Variants in E2F4 observed in about 807,000 individuals in gnomAD.
E2F4 encodes the protein E2F transcription factor 4.
In E2F4, 16 loss-of-function variants were observed where a neutral mutation model predicts 44.5. The ratio of observed to expected loss-of-function variants is 0.36; its 90% CI spans 0.24 to 0.55. E2F4 has a LOEUF of 0.55. Ranked by LOEUF, E2F4 falls within the 20% of genes least tolerant of loss-of-function variation. The pLI is 0.87. For missense variants in E2F4, 473 were observed against 522.1 expected, an observed-to-expected ratio of 0.91 and a Z score of 0.92; for synonymous variants, 242 against 207.2, an observed-to-expected ratio of 1.17 and a Z score of -1.44.
At position 67,194,746 on chromosome 16, in the gene E2F4, G is replaced by A. The variant is rs760472888; in HGVS notation, c.574G>A (p.Val192Ile). The change falls in exon 6 of 10, where the codon GTT (valine) becomes ATT (isoleucine). Residue 192 changes from valine to isoleucine, a missense_variant. Transcript: ENST00000379378. ...GAAGAGTGTGAGTGGTCCCATTGAG[G>A]TTCTGCTGGTGAACAAGGAGGCATG... ...HLKSVSGPIE[V>I]LLVNKEAWSS... 2 of 1,614,176 alleles carry A rather than the reference G, an allele frequency of 1.2e-6. No homozygotes were observed. Among genetic ancestry groups the A allele is most frequent in the Admixed American group, 3.3e-5 (2 of 60,026 alleles).
In E2F4 at chr16:67,195,888, GGACAGCAGCAGCAGCAGCAGCAGC is replaced by G. The variant is rs1567688524; in HGVS notation, c.916_939del (p.Asp306_Ser313del). ...GGCCACTGCAGTCTTCTGCCCTGCT[GGACAGCAGCAGCAGCAGCAGCAGC>G]AGCAGCAGCAGCAGCAGCAACAGTA... On this transcript the variant is annotated inframe_deletion, in exon 7 of 10. Transcript: ENST00000379378. 1 of 1,598,840 alleles carries G rather than the reference GGACAGCAGCAGCAGCAGCAGCAGC, an allele frequency of 6.3e-7. No homozygotes were observed.
Position 67,198,796 on chromosome 16 carries a change from T to G in E2F4, c.*673T>G. ...CCTCATTTAGAGCCATTTGCAGAGA[T>G]TTAGAAAGATTTACAGTAACGAATG... On this transcript the variant is annotated 3_prime_UTR_variant, in exon 10 of 10. Coordinates refer to ENST00000379378, the MANE Select transcript of E2F4 (RefSeq NM_001950.4). 4.2e-6 allele frequency: 1 copy of G among 237,896 alleles called. No homozygotes were observed. Among genetic ancestry groups the G allele is most frequent in the Non-Finnish European group, 8.2e-6 (1 of 121,626 alleles). The allele number at this position is 237,896 out of a possible 1,614,324, so 14.7% of individuals were successfully genotyped here.
intron 7 of E2F4, 65 bp downstream of exon 7, chr16:67,196,071 A>C: frequency 6.2e-7 from 1 of 1,601,588 alleles, no homozygotes; most frequent in African/African-American, 1.3e-5. Flanking sequence ...TAGGTCAGAA[A>C]ACAGAATTGG....
At chr16:67,197,828 G>A in intron 8 of E2F4, 39 bp from the exon 9 acceptor site, 1 of 1,613,940 alleles carries the variant, frequency 6.2e-7, no homozygotes, top group Non-Finnish European at 8.5e-7. Context: ...GGAGAGGTGG[G>A]AGCTGGAATG....
rs529986034 is a variant in E2F4 at position 67,195,102 on chromosome 16, A to T, written c.808+122A>T. Reference sequence around the variant, plus strand: ...GGGATTGTCCTTTTCCTGACCACCTAGCCTTCCCTTGCTATGGTAATGAAT... The same window carrying T: ...GGGATTGTCCTTTTCCTGACCACCTTGCCTTCCCTTGCTATGGTAATGAAT... On this transcript the variant is annotated intron_variant, in intron 6 of 9. Coordinates refer to ENST00000379378, the MANE Select transcript of E2F4 (RefSeq NM_001950.4). 1.1e-5 allele frequency: 14 copies of T among 1,262,576 alleles called. No homozygotes were observed. The East Asian group carries it at 2.7e-4, about 25-fold the overall frequency. The allele number at this position is 1,262,576 out of a possible 1,614,324, so 78.2% of individuals were successfully genotyped here.
Position 67,195,958 on chromosome 16 carries a change from C to G in E2F4, c.985C>G (p.Pro329Ala), listed in dbSNP as rs367936946. The change falls in exon 7 of 10, where the codon CCC (proline) becomes GCC (alanine). Residue 329 changes from proline to alanine, a missense_variant. This residue lies in a region of E2F4 where 314 missense variants were observed against 315.6 expected (regional missense o/e 0.99). Coordinates refer to ENST00000379378, the MANE Select transcript of E2F4 (RefSeq NM_001950.4). Reference protein sequence around the residue: ...SNSNSSSSSGPNPSTSFEPIK... With the variant: ...SNSNSSSSSGANPSTSFEPIK... ...CAGTAACAGCAGCAGTTCGTCCGGACCCAACCCTTCTACCTCCTTTGAGCC... is the reference window on the plus strand; with the variant it reads ...CAGTAACAGCAGCAGTTCGTCCGGAGCCAACCCTTCTACCTCCTTTGAGCC... The G allele has an allele frequency of 6.2e-7, 1 of 1,613,838 alleles. No homozygotes were observed. Among genetic ancestry groups the G allele is most frequent in the African/African-American group, 1.3e-5 (1 of 74,832 alleles).
At chr16:67,194,543 G>T in intron 5 of E2F4, 84 bp downstream of exon 5, 2 of 1,589,472 alleles carry the variant, frequency 1.3e-6, no homozygotes. Flanking sequence ...GGGGCAAGTA[G>T]GGGGAGGCCT....
At chr16:67,196,291 C>T (rs2032969025) in intron 7 of E2F4, among the ~76,000 whole-genome samples, 2 of 152,186 alleles carry the variant, frequency 1.3e-5, no homozygotes, top group Non-Finnish European at 2.9e-5. Flanking sequence ...TCTCTGTCTC[C>T]TTTCTGTCTG....
At chr16:67,196,771 C>G (rs560639758) in intron 7 of E2F4, among the ~76,000 whole-genome samples, 6 of 152,332 alleles carry the variant, frequency 3.9e-5, no homozygotes, top group African/African-American at 1.4e-4. Flanking sequence ...TTGCTTTCCA[C>G]CTCTGCGCAC....
chr16:67,194,460 G>C lies in E2F4; in HGVS notation c.513+1G>C, dbSNP rs2032935150. 1 of 1,613,816 alleles carries C rather than the reference G, an allele frequency of 6.2e-7. No homozygotes were observed. Among genetic ancestry groups the C allele is most frequent in the Non-Finnish European group, 8.5e-7 (1 of 1,180,026 alleles). Reference sequence around the variant, plus strand: ...CAGCCTGGAGGTGCCCATCCCAGAGGTGGGTGCTTAGCCCAGGCAGGCGGG... The same window carrying C: ...CAGCCTGGAGGTGCCCATCCCAGAGCTGGGTGCTTAGCCCAGGCAGGCGGG... On this transcript the variant is annotated splice_donor_variant, in intron 5 of 9. Transcript: ENST00000379378. LOFTEE classifies it high-confidence loss of function.
Position 67,198,471 on chromosome 16 carries a change from A to C in E2F4, c.*348A>C, listed in dbSNP as rs554270585. The C allele has an allele frequency of 1.1e-5, 3 of 272,992 alleles. No homozygotes were observed. The highest frequency in any genetic ancestry group is 9.0e-5 in the South Asian group (2 of 22,280). 16.9% of individuals were successfully genotyped at this position (272,992 alleles called of 1,614,324 possible). The stretch of plus-strand genomic sequence containing the variant: ...GCAGTGTCTTGTTCCTGCCAGCCTC[A>C]GTGTCTTGCTTCTGCCAGCTCCTTC... On this transcript the variant is annotated 3_prime_UTR_variant, in exon 10 of 10. Coordinates refer to ENST00000379378, the MANE Select transcript of E2F4 (RefSeq NM_001950.4).
At position 67,194,857 on chromosome 16, in the gene E2F4, C is replaced by T. The variant is rs749039906; in HGVS notation, c.685C>T (p.Pro229Ser). 5 of 1,614,070 alleles carry T rather than the reference C, an allele frequency of 3.1e-6. No individual in the cohort carries two copies. In the East Asian group the frequency reaches 1.1e-4, roughly 36 times the overall value. The change falls in exon 6 of 10, where the codon CCC becomes TCC. Residue 229 changes from proline (P) to serine (S), a missense_variant. Coordinates refer to ENST00000379378, the MANE Select transcript of E2F4 (RefSeq NM_001950.4). ...TGCTGTTTCTACACCTCCACCTCTG[C>T]CCAAGCCTGCCCTAGCCCAGTCCCA... ...PSAVSTPPPL[P>S]KPALAQSQEA... is the part of the protein sequence containing the mutation.
At chr16:67,195,558 A>G in intron 6 of E2F4, 1 of 935,182 alleles carries the variant, frequency 1.1e-6, no homozygotes, top group South Asian at 1.8e-5. Context: ...AAGTATGGCC[A>G]CAGCAGACAT....
Position 67,197,894 on chromosome 16 carries a change from A to G in E2F4, c.1109A>G (p.Glu370Gly). 1 of 1,613,642 alleles carries G rather than the reference A, an allele frequency of 6.2e-7. No homozygotes were observed. Among genetic ancestry groups the G allele is most frequent in the Non-Finnish European group, 8.5e-7 (1 of 1,179,916 alleles). ...RECMSSELLE[E>G]LMSSEVFAPL... ...TGCATGAGCTCGGAGCTGCTGGAGG[A>G]GTTGATGTCCTCAGAAGGTGGGTGG... The change falls in exon 9 of 10, where the codon GAG becomes GGG. Residue 370 changes from glutamate to glycine, a missense_variant. Around this residue, in one of 3 missense-constraint regions of E2F4, gnomAD observed 314 missense variants for 315.6 expected, o/e 0.99. Coordinates refer to ENST00000379378, the MANE Select transcript of E2F4 (RefSeq NM_001950.4).
At chr16:67,196,369 C>A (rs534346229) in intron 7 of E2F4, among the ~76,000 whole-genome samples, 3 of 152,322 alleles carry the variant, frequency 2.0e-5, no homozygotes, top group African/African-American at 2.4e-5. Context: ...GCAGTCACCC[C>A]CCCAGCCCCA....
intron 4 of E2F4, 30 bp from the exon 5 acceptor site, chr16:67,194,368 G>A: frequency 1.9e-6 from 3 of 1,612,802 alleles, no homozygotes; most frequent in African/African-American, 2.7e-5. Context: ...TGAGCCCATG[G>A]GCTCTGACCC....
chr16:67,192,506 T>C, intron 1 of E2F4, 144 bp downstream of exon 1: 1 of 1,226,394 alleles, frequency 8.2e-7, no homozygotes, highest in Non-Finnish European at 1.1e-6. Flanking sequence ...CCGGGGGATG[T>C]TTCATTCATT....
chr16:67,194,960 G>T lies in E2F4; in HGVS notation c.788G>T (p.Gly263Val). The T allele has an allele frequency of 1.2e-6, 2 of 1,613,722 alleles. No homozygotes were observed. Among genetic ancestry groups the T allele is most frequent in the Non-Finnish European group, 1.7e-6 (2 of 1,179,692 alleles). Residue 263 changes from glycine (G) to valine (V), a missense_variant, in exon 6 of 10, where the codon GGC becomes GTC. Gly to Val is a moderately radical substitution (Grantham distance 109, BLOSUM62 -3). Around this residue, in one of 3 missense-constraint regions of E2F4, gnomAD observed 314 missense variants for 315.6 expected, o/e 0.99. Coordinates refer to ENST00000379378, the MANE Select transcript of E2F4 (RefSeq NM_001950.4). ...PGSAEVQGMA[G>V]PAAEITVSGG... ...AGTGCAGAAGTCCAGGGAATGGCTG[G>T]CCCAGCAGCTGAGATCACAGGTGAG... is the stretch of plus-strand genomic sequence containing the variant.
At chr16:67,192,672 T>A in intron 1 of E2F4, 89 bp from the exon 2 acceptor site, 1 of 1,284,778 alleles carries the variant, frequency 7.8e-7, no homozygotes, top group South Asian at 1.3e-5. Context: ...AGGGTTGGAA[T>A]CCAGATTACT....
Sources: allele counts gnomAD v4.1 joint callset (sites outside exome capture counted in the v4.1 genomes callset), GRCh38; gene constraint gnomAD v4.1.1; regional missense constraint gnomAD v4.1.1; transcripts MANE v1.5; gene names NCBI Gene and HGNC (gene_info 2026-07-23, HGNC 2026-07-21).